EMP1: variants seen among roughly 807,000 people sequenced by gnomAD.
EMP1 encodes the protein tumor-associated membrane protein.
In EMP1, 5 loss-of-function variants were observed where a neutral mutation model predicts 15.7. That is an observed-to-expected ratio of 0.32 (90% confidence interval 0.17 to 0.67). The LOEUF (loss-of-function observed/expected upper bound fraction) is 0.67. Ranked by LOEUF, EMP1 falls within the 30% of genes least tolerant of loss-of-function variation. The pLI is 0.74. For synonymous variants in EMP1, 78 were observed against 76.7 expected, an observed-to-expected ratio of 1.02 and a Z score of -0.09; for missense variants, 166 against 194.2, an observed-to-expected ratio of 0.85 and a Z score of 0.86.
rs1335815411 is a variant in EMP1 at position 13,216,419 on chromosome 12, A to T, written c.*1728A>T. The T allele has an allele frequency of 2.8e-6, 2 of 702,484 alleles. No homozygotes were observed. The highest frequency in any genetic ancestry group is 5.2e-6 in the Non-Finnish European group (2 of 384,760). 43.5% of individuals were successfully genotyped at this position (702,484 alleles called of 1,614,324 possible). ...AATTACCTAGGCTGAGGTTAGAGAG[A>T]TTGGCCAGCAAAAACTGTGGGAAGA... is the stretch of plus-strand genomic sequence containing the variant. On this transcript the variant is annotated 3_prime_UTR_variant, in exon 5 of 5. Coordinates refer to ENST00000256951, the MANE Select transcript of EMP1 (RefSeq NM_001423.3).
Position 13,218,194 on chromosome 12 carries a change from C to G in EMP1, c.*3503C>G, listed in dbSNP as rs181351596. On this transcript the variant is annotated 3_prime_UTR_variant, in exon 5 of 5. Coordinates refer to ENST00000256951, the MANE Select transcript of EMP1 (RefSeq NM_001423.3). ...ATGGTTAATAGATAAAGATCCCACT[C>G]TGCCTTGGATTTAGCCATCGCAGTC... 13 of 152,330 alleles carry G rather than the reference C, an allele frequency of 8.5e-5. No homozygotes were observed. The highest frequency in any genetic ancestry group is 2.4e-4 in the African/African-American group (10 of 41,574). The allele number at this position is 152,330 out of a possible 1,614,324, so 9.4% of individuals were successfully genotyped here.
At chr12:13,205,080 T>G (rs1247916598) in intron 1 of EMP1, among the ~76,000 whole-genome samples, 1 of 152,208 alleles carries the variant, frequency 6.6e-6, no homozygotes, top group Non-Finnish European at 1.5e-5. Context: ...GGGATCCTGG[T>G]AGGTAGTGAG....
Position 13,206,927 on chromosome 12 carries a change from T to TTGTG in EMP1, c.-42-4509_-42-4506dup, listed in dbSNP as rs58176335. On this transcript the variant is annotated intron_variant, in intron 1 of 4. Transcript: ENST00000256951. Reference sequence around the variant, plus strand: ...GGCTGTGTTCCTTTGATTCTTTCATTTGTGTGTGTGTGTGTGTGTGTGTGT... The same window carrying TTGTG: ...GGCTGTGTTCCTTTGATTCTTTCATTTGTGTGTGTGTGTGTGTGTGTGTGTGTGT... Among the ~76,000 whole-genome samples the TTGTG allele has an allele frequency of 4.0e-4, 59 of 149,156 alleles. 1 individual carries two copies. Among genetic ancestry groups the TTGTG allele is most frequent in the African/African-American group, 1.2e-3 (50 of 40,378 alleles).
Position 13,211,872 on chromosome 12 carries a change from G to A in EMP1, c.78+284G>A, listed in dbSNP as rs1565579467. 3 of 414,806 alleles carry A rather than the reference G, an allele frequency of 7.2e-6. No homozygotes were observed. The highest frequency in any genetic ancestry group is 8.7e-6 in the Non-Finnish European group (2 of 230,224). The allele number at this position is 414,806 out of a possible 1,614,324, so 25.7% of individuals were successfully genotyped here. On this transcript the variant is annotated intron_variant, in intron 2 of 4. Coordinates refer to ENST00000256951, the MANE Select transcript of EMP1 (RefSeq NM_001423.3). This position sits in a 1 kb window ranked among gnomAD's most constrained non-coding sequence, Gnocchi z 4.7. ...GAAGAGCCTTCCCAGCAGCAGGGGT[G>A]AGTGGAGCTTGAGGTGAACCTGGAG... is the stretch of plus-strand genomic sequence containing the variant.
intron 1 of EMP1, among the ~76,000 whole-genome samples, chr12:13,201,016 G>T (rs549361944): frequency 2.6e-5 from 4 of 152,318 alleles, no homozygotes; most frequent in African/African-American, 7.2e-5. Context: ...GGAAGACAGA[G>T]GGGCAGTGGT....
At position 13,218,234 on chromosome 12, in the gene EMP1, C is replaced by G. The variant is rs1309958958; in HGVS notation, c.*3543C>G. The stretch of plus-strand genomic sequence containing the variant: ...CCATCGCAGTCCCTGTGTAAAACCC[C>G]ACCGGCTTTCAGGCATGGAAAAAAA... On this transcript the variant is annotated 3_prime_UTR_variant, in exon 5 of 5. Coordinates refer to ENST00000256951, the MANE Select transcript of EMP1 (RefSeq NM_001423.3). The G allele has an allele frequency of 6.6e-6, 1 of 152,134 alleles. No individual in the cohort carries two copies. Among genetic ancestry groups the G allele is most frequent in the Non-Finnish European group, 1.5e-5 (1 of 68,026 alleles). The allele number at this position is 152,134 out of a possible 1,614,324, so 9.4% of individuals were successfully genotyped here. A position where few individuals can be genotyped will look rare whatever the true frequency, so the allele number is the denominator to read the frequency against.
chr12:13,211,942 G>T lies in EMP1; in HGVS notation c.78+354G>T. 3.6e-6 allele frequency: 1 copy of T among 281,576 alleles called. No individual in the cohort carries two copies. Among genetic ancestry groups the T allele is most frequent in the South Asian group, 4.5e-5 (1 of 22,460 alleles). 17.4% of individuals were successfully genotyped at this position (281,576 alleles called of 1,614,324 possible). A position where few individuals can be genotyped will look rare whatever the true frequency, so the allele number is the denominator to read the frequency against. Reference sequence around the variant, plus strand: ...TTTCTCTTAGTGAAAGAGGGAAGGTGGAAGGATCATAGGGATGCATTCAGG... The same window carrying T: ...TTTCTCTTAGTGAAAGAGGGAAGGTTGAAGGATCATAGGGATGCATTCAGG... On this transcript the variant is annotated intron_variant, in intron 2 of 4. Transcript: ENST00000256951. The surrounding 1 kb of genome is among the most constrained non-coding windows in gnomAD (Gnocchi z 4.7).
chr12:13,201,713 G>A (rs187174937), intron 1 of EMP1, among the ~76,000 whole-genome samples: 32 of 152,160 alleles, frequency 2.1e-4, no homozygotes, highest in Admixed American at 9.2e-4. Flanking sequence ...GCATTCACTC[G>A]GCACTAGGAA....
At chr12:13,198,265 CTTTTT>C (rs1000022865) in intron 1 of EMP1, among the ~76,000 whole-genome samples, 2 of 151,680 alleles carry the variant, frequency 1.3e-5, no homozygotes, top group African/African-American at 4.8e-5. Context: ...TCTTTTTTTT[CTTTTT>C]TTCTTTTTTT....
Position 13,214,773 on chromosome 12 carries a change from G to T in EMP1, c.*82G>T, listed in dbSNP as rs1591711121. On this transcript the variant is annotated 3_prime_UTR_variant, in exon 5 of 5. Transcript: ENST00000256951. ...GGAGGGAAGTGGAGGTTGCTGTACA[G>T]GAAAAACCGAGATAGGGGAGGGGGG... 1 of 507,698 alleles carries T rather than the reference G, an allele frequency of 2.0e-6. No homozygotes were observed. The highest frequency in any genetic ancestry group is 1.2e-4 in the East Asian group (1 of 8,516). The allele number at this position is 507,698 out of a possible 1,614,324, so 31.4% of individuals were successfully genotyped here. A position where few individuals can be genotyped will look rare whatever the true frequency, so the allele number is the denominator to read the frequency against.
At chr12:13,206,557 G>A (rs1864111956) in intron 1 of EMP1, among the ~76,000 whole-genome samples, 1 of 152,152 alleles carries the variant, frequency 6.6e-6, no homozygotes, top group Non-Finnish European at 1.5e-5. Context: ...TGGGTTTTTG[G>A]TTGCTCTATT....
At chr12:13,208,539 C>G (rs373920203) in intron 1 of EMP1, among the ~76,000 whole-genome samples, 1 of 152,056 alleles carries the variant, frequency 6.6e-6, no homozygotes, top group Non-Finnish European at 1.5e-5. Context: ...AATGGAAGCC[C>G]CTCTAAACTG....
rs1168057656 is a variant in EMP1, at chr12:13,215,559, A to AT, written c.*870dup. The AT allele has an allele frequency of 6.6e-6, 1 of 152,240 alleles. No individual in the cohort carries two copies. Among genetic ancestry groups the AT allele is most frequent in the Non-Finnish European group, 1.5e-5 (1 of 68,058 alleles). The allele number at this position is 152,240 out of a possible 1,614,324, so 9.4% of individuals were successfully genotyped here. On this transcript the variant is annotated 3_prime_UTR_variant, in exon 5 of 5. Transcript: ENST00000256951. The stretch of plus-strand genomic sequence containing the variant: ...GCCATGTTAGGGTTATGTTTTTAGG[A>AT]TTCCCCTCAATGCAGTCAGTGTTTC...
In EMP1 at chr12:13,218,368, T is replaced by A. The variant is rs1228726687; in HGVS notation, c.*3677T>A. On this transcript the variant is annotated 3_prime_UTR_variant, in exon 5 of 5. Coordinates refer to ENST00000256951, the MANE Select transcript of EMP1 (RefSeq NM_001423.3). ...CCTTCAATGTTTACTAAGAAATAGT[T>A]AGAATATAGCATATCCTGTATAGAT... is the stretch of plus-strand genomic sequence containing the variant. 1 of 152,214 alleles carries A rather than the reference T, an allele frequency of 6.6e-6. No individual in the cohort carries two copies. The highest frequency in any genetic ancestry group is 1.5e-5 in the Non-Finnish European group (1 of 68,042). The allele number at this position is 152,214 out of a possible 1,614,324, so 9.4% of individuals were successfully genotyped here.
chr12:13,208,282 C>G (rs969139047), intron 1 of EMP1, among the ~76,000 whole-genome samples: 1 of 152,198 alleles, frequency 6.6e-6, no homozygotes, highest in African/African-American at 2.4e-5. Context: ...GTTTCAGGAG[C>G]AGGGGTTCTT....
In EMP1 at chr12:13,211,526, G is replaced by A. The variant is rs1864164477; in HGVS notation, c.16G>A (p.Ala6Thr). 1.9e-6 allele frequency: 3 copies of A among 1,612,730 alleles called. No homozygotes were observed. In the South Asian group the frequency reaches 3.3e-5, roughly 18 times the overall value. Reference protein sequence around the residue: MLVLLAGIFVVHIATV... With the variant: MLVLLTGIFVVHIATV... ...AAGAGCCAACATGTTGGTATTGCTG[G>A]CTGGTATCTTTGTGGTCCACATCGC... The change falls in exon 2 of 5, where the codon GCT (alanine) becomes ACT (threonine). Residue 6 changes from alanine to threonine, a missense_variant. By Grantham distance (58) the Ala-to-Thr change is moderately conservative. Transcript: ENST00000256951. This position sits in a 1 kb window ranked among gnomAD's most constrained non-coding sequence, Gnocchi z 4.7.
chr12:13,199,964 C>CTTTTT (rs60389913), intron 1 of EMP1, among the ~76,000 whole-genome samples: 8 of 107,624 alleles, frequency 7.4e-5, no homozygotes, highest in African/African-American at 2.5e-4. Flanking sequence ...TCTTCTTCTT[C>CTTTTT]TTTTTTTTTT....
At chr12:13,201,488 C>G (rs1864065896) in intron 1 of EMP1, among the ~76,000 whole-genome samples, 1 of 152,178 alleles carries the variant, frequency 6.6e-6, no homozygotes, top group Non-Finnish European at 1.5e-5. Context: ...CCTACCATTT[C>G]TATTTTGAGA....
rs1047819147 is a variant in EMP1 at position 13,219,144 on chromosome 12, C to T, written c.*4453C>T. On this transcript the variant is annotated 3_prime_UTR_variant, in exon 5 of 5. Coordinates refer to ENST00000256951, the MANE Select transcript of EMP1 (RefSeq NM_001423.3). ...GCCTCTCTGCCTTTATCTACAATCT[C>T]TCCAACCTGTGCTTTATGCTGATGT... 2 of 152,238 alleles carry T rather than the reference C, an allele frequency of 1.3e-5. No individual in the cohort carries two copies. Among genetic ancestry groups the T allele is most frequent in the African/African-American group, 2.4e-5 (1 of 41,450 alleles). The allele number at this position is 152,238 out of a possible 1,614,324, so 9.4% of individuals were successfully genotyped here. A position where few individuals can be genotyped will look rare whatever the true frequency, so the allele number is the denominator to read the frequency against.
Sources: allele counts gnomAD v4.1 joint callset (sites outside exome capture counted in the v4.1 genomes callset), GRCh38; gene constraint gnomAD v4.1.1; non-coding constraint Gnocchi (gnomAD v3.1); transcripts MANE v1.5; gene names NCBI Gene and HGNC (gene_info 2026-07-23, HGNC 2026-07-21).